TPM3: variants seen among roughly 807,000 people sequenced by gnomAD.
TPM3 encodes tropomyosin 3, also known as tropomyosin alpha-3 chain.
Under a neutral mutation model 43.1 loss-of-function variants are expected in TPM3, and 16 were observed. That is an observed-to-expected ratio of 0.37 (90% CI 0.25 to 0.56). The LOEUF (loss-of-function observed/expected upper bound fraction) is 0.56. Ranked by LOEUF, TPM3 falls within the 20% of genes least tolerant of loss-of-function variation. The pLI is 0.77. For missense variants in TPM3, 176 were observed against 337.2 expected (o/e 0.52, Z 3.74); for synonymous variants, 101 against 116.9 (o/e 0.86, Z 0.88).
downstream of TPM3, among the ~76,000 whole-genome samples, chr1:154,160,917 G>A (rs1342369851): frequency 1.3e-5 from 2 of 151,938 alleles, no homozygotes; most frequent in Non-Finnish European, 1.5e-5. Context: ...GTGTGTATTA[G>A]AGACAAGGTC....
chr1:154,167,505 G>A lies in TPM3; in HGVS notation c.*432C>T. 1 of 1,089,966 alleles carries A rather than the reference G, an allele frequency of 9.2e-7. No homozygotes were observed. The highest frequency in any genetic ancestry group is 1.1e-6 in the Non-Finnish European group (1 of 892,916). 67.5% of individuals were successfully genotyped at this position (1,089,966 alleles called of 1,614,324 possible). On this transcript the variant is annotated 3_prime_UTR_variant, in exon 10 of 10. Coordinates refer to ENST00000651641, the MANE Select transcript of TPM3 (RefSeq NM_152263.4). ...GAAATAAGGAATTTAATCTTGTTCA[G>A]CTTGAGGAGTATAACTAAAATTACT...
chr1:154,182,631 TCCCA>T (rs902701565), intron 2 of TPM3, among the ~76,000 whole-genome samples: 3 of 151,830 alleles, frequency 2.0e-5, no homozygotes, highest in African/African-American at 7.3e-5. Flanking sequence ...AGCAAAGTTC[TCCCA>T]CCCTCCATGG....
rs1182558555 is a variant in TPM3 at position 154,164,759 on chromosome 1, T to C, written c.*3178A>G. On this transcript the variant is annotated 3_prime_UTR_variant, in exon 10 of 10. Transcript: ENST00000651641. ...AAATAAATCTGGAAATGAGTAGATC[T>C]GAAGAAAACAATGTAGGCAGCAATG... Among the ~76,000 whole-genome samples, 2 of 152,186 alleles carry C rather than the reference T, an allele frequency of 1.3e-5. No homozygotes were observed. Among genetic ancestry groups the C allele is most frequent in the African/African-American group, 2.4e-5 (1 of 41,456 alleles).
intron 3 of TPM3, among the ~76,000 whole-genome samples, chr1:154,173,820 C>T (rs988262183): frequency 6.6e-6 from 1 of 151,954 alleles, no homozygotes; most frequent in Admixed American, 6.6e-5. Context: ...GAAACCCTGT[C>T]CCTACTAAAA....
intron 1 of TPM3, 27 bp downstream of exon 1, chr1:154,191,875 A>G: frequency 2.5e-6 from 4 of 1,603,658 alleles, no homozygotes; most frequent in Non-Finnish European, 3.4e-6. Context: ...TCACTAGCAG[A>G]TGAGAGAGAT....
intron 2 of TPM3, chr1:154,182,912 G>C (rs1415947736): frequency 1.2e-6 from 2 of 1,602,452 alleles, no homozygotes; most frequent in African/African-American, 1.3e-5. Flanking sequence ...CGTGCTCCAC[G>C]GCAAAAGGGA....
At chr1:154,172,883 A>T in intron 5 of TPM3, 25 bp downstream of exon 5, 1 of 1,614,056 alleles carries the variant, frequency 6.2e-7, no homozygotes, top group Non-Finnish European at 8.5e-7. Flanking sequence ...TGGTAATGAC[A>T]AGATTTGGGG....
At chr1:154,171,036 C>T in intron 6 of TPM3, 1 of 526,324 alleles carries the variant, frequency 1.9e-6, no homozygotes, top group Non-Finnish European at 3.4e-6. Flanking sequence ...GGTCACATGA[C>T]TGAAACACAC....
Position 154,184,088 on chromosome 1 carries a change from C to T in TPM3, c.243+7098G>A, listed in dbSNP as rs144959621. ...TTTGGGACGGAGTCTCCTCTGTCGC[C>T]CAGGTTGGAGTGCAGTGGTGCGAAC... On this transcript the variant is annotated intron_variant, in intron 2 of 9. Transcript: ENST00000651641. Among the ~76,000 whole-genome samples, 930 of 151,780 alleles carry T rather than the reference C, an allele frequency of 6.1e-3. 7 individuals carry two copies. The highest frequency in any genetic ancestry group is 0.01 in the Middle Eastern group (3 of 294).
chr1:154,186,528 G>A (rs994687904), intron 2 of TPM3, among the ~76,000 whole-genome samples: 2 of 151,356 alleles, frequency 1.3e-5, no homozygotes, highest in African/African-American at 2.5e-5. Context: ...TATGTCCATC[G>A]TTGTCCCTTC....
At position 154,161,840 on chromosome 1, in the gene TPM3, C is replaced by A. The variant is rs576691614; in HGVS notation, c.*6097G>T. The stretch of plus-strand genomic sequence containing the variant: ...GGAGTGAGAGCATTTTATTGCCTGA[C>A]TAAATCACAGAACACAGAGTTTCCT... On this transcript the variant is annotated 3_prime_UTR_variant, in exon 10 of 10. Transcript: ENST00000651641. Among the ~76,000 whole-genome samples the A allele has an allele frequency of 3.4e-4, 52 of 152,216 alleles. No homozygotes were observed. Among genetic ancestry groups the A allele is most frequent in the Admixed American group, 5.2e-4 (8 of 15,274 alleles).
In TPM3 at chr1:154,191,236, A is replaced by G. The variant is rs1396822287; in HGVS notation, c.193T>C (p.Leu65=). 2 of 1,613,958 alleles carry G rather than the reference A, an allele frequency of 1.2e-6. No individual in the cohort carries two copies. The highest frequency in any genetic ancestry group is 1.1e-5 in the South Asian group (1 of 91,074). The change falls in exon 2 of 10, where the codon TTG becomes CTG. Residue 65 remains leucine (L), a synonymous_variant. Coordinates refer to ENST00000651641, the MANE Select transcript of TPM3 (RefSeq NM_152263.4). ...TCCAGCTTCTCCTGGGCATCCTTCA[A>G]AGCTTCAGAATACTTGTCCAGCTCA... The part of the protein sequence containing the change: ...EDELDKYSEA[L]KDAQEKLELA...
intron 2 of TPM3, among the ~76,000 whole-genome samples, chr1:154,189,757 C>A (rs1326805486): frequency 2.2e-5 from 3 of 134,292 alleles, no homozygotes; most frequent in African/African-American, 8.6e-5. Context: ...GAGATAGTAC[C>A]ATTTTATTAC....
chr1:154,170,828 C>T (rs960254501), intron 6 of TPM3, 117 bp from the exon 7 acceptor site: 3 of 786,622 alleles, frequency 3.8e-6, no homozygotes, highest in Non-Finnish European at 6.7e-6. Flanking sequence ...CTGAATGGTC[C>T]AAGAGTAAGA....
intron 2 of TPM3, among the ~76,000 whole-genome samples, chr1:154,188,401 C>T (rs1558066439): frequency 2.6e-5 from 4 of 151,676 alleles, no homozygotes; most frequent in East Asian, 1.9e-4. Context: ...CCTGGCCGGG[C>T]GCGGTGGCTC....
At chr1:154,175,915 C>G (rs186957639) in intron 3 of TPM3, among the ~76,000 whole-genome samples, 200 bp downstream of exon 3, 16 of 152,170 alleles carry the variant, frequency 1.1e-4, no homozygotes, top group Non-Finnish European at 2.1e-4. Flanking sequence ...AGTGCAGTGG[C>G]GCAATCAGAG....
intron 2 of TPM3, 128 bp downstream of exon 2, chr1:154,191,058 C>G (rs948086331): frequency 1.4e-6 from 2 of 1,460,342 alleles, no homozygotes; most frequent in Non-Finnish European, 1.9e-6. Context: ...TGGTTATATG[C>G]AAAAATGTAT....
intron 9 of TPM3, 23 bp from the exon 10 acceptor site, chr1:154,167,963 T>G (rs1424603454): frequency 2.5e-6 from 4 of 1,613,412 alleles, no homozygotes; most frequent in African/African-American, 2.7e-5. Flanking sequence ...GTAAGGATAC[T>G]CTAGGTGAGA....
intron 9 of TPM3, among the ~76,000 whole-genome samples, chr1:154,168,197 C>G (rs548840583): frequency 6.6e-6 from 1 of 152,292 alleles, no homozygotes; most frequent in South Asian, 2.1e-4. Context: ...CTGTTTATCA[C>G]TTGGCTTGCT....
Sources: allele counts gnomAD v4.1 joint callset (sites outside exome capture counted in the v4.1 genomes callset), GRCh38; gene constraint gnomAD v4.1.1; transcripts MANE v1.5; gene names NCBI Gene and HGNC (gene_info 2026-07-23, HGNC 2026-07-21).